Variants in UBAP2L observed in about 807,000 individuals in gnomAD.
UBAP2L encodes the protein ubiquitin-associated protein 2-like.
In UBAP2L, 12 loss-of-function variants were observed where a neutral mutation model predicts 130.6. The ratio of observed to expected loss-of-function variants is 0.09; its 90% CI spans 0.06 to 0.15. UBAP2L has a LOEUF of 0.15. UBAP2L is among the 10% of genes least tolerant of loss of function. The pLI, the probability that UBAP2L is intolerant of heterozygous loss-of-function variation, is 1.00. For synonymous variants in UBAP2L, 503 were observed against 524.7 expected, an observed-to-expected ratio of 0.96 and a Z score of 0.57; for missense variants, 965 against 1,332.5, an observed-to-expected ratio of 0.72 and a Z score of 4.29.
intron 25 of UBAP2L, among the ~76,000 whole-genome samples, chr1:154,267,329 ATT>A (rs1288837217): frequency 6.6e-6 from 1 of 150,770 alleles, no homozygotes. Flanking sequence ...TAATTTTTGT[ATT>A]TTTTAGTAGA....
At chr1:154,243,593 TG>T (rs1481812108) in intron 10 of UBAP2L, among the ~76,000 whole-genome samples, 1 of 152,134 alleles carries the variant, frequency 6.6e-6, no homozygotes, top group Non-Finnish European at 1.5e-5. Context: ...CCCGAGTAGC[TG>T]GGATTACAGG....
chr1:154,249,504 G>C (rs754525804), intron 12 of UBAP2L, 67 bp downstream of exon 12: 189 of 1,593,680 alleles, frequency 1.2e-4, no homozygotes, highest in Non-Finnish European at 1.6e-4. Context: ...GGCTAGCAGG[G>C]GGAGGGGGTG....
At chr1:154,243,869 C>T (rs1445087239) in intron 10 of UBAP2L, among the ~76,000 whole-genome samples, 5 of 152,148 alleles carry the variant, frequency 3.3e-5, no homozygotes, top group Admixed American at 2.0e-4. Flanking sequence ...TTACAAAGAT[C>T]AGCCTTTCAT....
rs775723420 is a variant in UBAP2L, at chr1:154,270,297, G to A, written c.*2G>A. On this transcript the variant is annotated 3_prime_UTR_variant, in exon 27 of 27. Coordinates refer to ENST00000428931, the MANE Select transcript of UBAP2L (RefSeq NM_014847.4). ...AGCTACAGCTGGGGGGCCAACTGAGGCCCTGACCCTCTTCTCCCGGTCCCA... is the reference window on the plus strand; with the variant it reads ...AGCTACAGCTGGGGGGCCAACTGAGACCCTGACCCTCTTCTCCCGGTCCCA... 6.2e-7 allele frequency: 1 copy of A among 1,613,944 alleles called. No individual in the cohort carries two copies. The highest frequency in any genetic ancestry group is 2.2e-5 in the East Asian group (1 of 44,880).
chr1:154,228,995 G>C (rs946249771), intron 4 of UBAP2L, among the ~76,000 whole-genome samples: 1 of 152,162 alleles, frequency 6.6e-6, no homozygotes, highest in Admixed American at 6.5e-5. Context: ...TTCCAGGCTA[G>C]TGACTGTTTT....
Position 154,223,236 on chromosome 1 carries a change from T to C in UBAP2L, c.-40-1848T>C, listed in dbSNP as rs138256679. 2.2e-3 allele frequency among the ~76,000 whole-genome samples: 334 copies of C among 152,350 alleles called. 5 individuals are homozygous for C. The highest frequency in any genetic ancestry group is 7.6e-3 in the African/African-American group (318 of 41,576). On this transcript the variant is annotated intron_variant, in intron 1 of 26. Coordinates refer to ENST00000428931, the MANE Select transcript of UBAP2L (RefSeq NM_014847.4). Reference sequence around the variant, plus strand: ...TAATTATATCTTTCAAGATGACTTTTTAATATGTTTACATCTGACTGGTAC... The same window carrying C: ...TAATTATATCTTTCAAGATGACTTTCTAATATGTTTACATCTGACTGGTAC...
Position 154,235,180 on chromosome 1 carries a change from T to C in UBAP2L, c.449-16T>C. ...TTTTGTTGTTGTTGTTGTTTTAATT[T>C]TTATTTTTATTTCAGTTCGAGGTCA... On this transcript the variant is annotated splice_polypyrimidine_tract_variant and intron_variant, in intron 5 of 26. Coordinates refer to ENST00000428931, the MANE Select transcript of UBAP2L (RefSeq NM_014847.4). 2.7e-6 allele frequency: 2 copies of C among 753,650 alleles called. No homozygotes were observed. The highest frequency in any genetic ancestry group is 3.4e-5 in the African/African-American group (2 of 57,982). The allele number at this position is 753,650 out of a possible 1,614,324, so 46.7% of individuals were successfully genotyped here.
chr1:154,268,566 A>G (rs1684037255), intron 25 of UBAP2L, among the ~76,000 whole-genome samples, 191 bp from the exon 26 acceptor site: 3 of 152,164 alleles, frequency 2.0e-5, no homozygotes, highest in Admixed American at 6.5e-5. Context: ...ATTGAGTAGT[A>G]TGCCCAGGTT....
intron 1 of UBAP2L, among the ~76,000 whole-genome samples, chr1:154,222,771 T>C (rs1666698548): frequency 6.6e-6 from 1 of 152,230 alleles, no homozygotes; most frequent in Admixed American, 6.5e-5. Flanking sequence ...TGTATTTTCC[T>C]GAAGTATTGG....
chr1:154,240,416 G>A (rs1016843252), intron 8 of UBAP2L, among the ~76,000 whole-genome samples: 3 of 151,992 alleles, frequency 2.0e-5, no homozygotes, highest in African/African-American at 4.8e-5. Flanking sequence ...CCCAGCTTCC[G>A]TATTACCAAC....
chr1:154,224,304 A>G (rs1667259945), intron 1 of UBAP2L, among the ~76,000 whole-genome samples: 1 of 152,188 alleles, frequency 6.6e-6, no homozygotes, highest in South Asian at 2.1e-4. Context: ...GATTCCCTGT[A>G]TATTAAGGTG....
At chr1:154,256,803 G>A (rs1366912200) in intron 18 of UBAP2L, among the ~76,000 whole-genome samples, 1 of 152,152 alleles carries the variant, frequency 6.6e-6, no homozygotes. Flanking sequence ...GTCTCCATTT[G>A]CTTTACTGTC....
intron 24 of UBAP2L, chr1:154,263,562 G>A (rs1219776570): frequency 2.0e-6 from 2 of 979,472 alleles, no homozygotes; most frequent in Non-Finnish European, 2.4e-6. Context: ...GCTGTGCTGT[G>A]GATGAAGGGT....
chr1:154,234,949 T>G (rs952252022), intron 5 of UBAP2L, among the ~76,000 whole-genome samples, 190 bp downstream of exon 5: 2 of 152,220 alleles, frequency 1.3e-5, no homozygotes, highest in Non-Finnish European at 2.9e-5. Flanking sequence ...CAGTCTGGCA[T>G]GAGATTACCC....
chr1:154,268,316 C>G (rs2149107721), intron 25 of UBAP2L, among the ~76,000 whole-genome samples: 1 of 152,056 alleles, frequency 6.6e-6, no homozygotes, highest in South Asian at 2.1e-4. Context: ...CTCAGACTCC[C>G]AAGTAGCTGG....
chr1:154,224,945 TTA>T (rs1328279974), intron 1 of UBAP2L, 137 bp from the exon 2 acceptor site: 1 of 572,270 alleles, frequency 1.7e-6, no homozygotes, highest in Non-Finnish European at 3.1e-6. Context: ...ATCAAGCTAA[TTA>T]TGTTGTAAGA....
chr1:154,226,034 G>A (rs572182037), intron 2 of UBAP2L, among the ~76,000 whole-genome samples: 67 of 152,322 alleles, frequency 4.4e-4, no homozygotes, highest in East Asian at 4.2e-3. Flanking sequence ...GGCTGGTCTC[G>A]AACTCCTGCC....
intron 14 of UBAP2L, 105 bp from the exon 15 acceptor site, chr1:154,253,795 T>C (rs780444513): frequency 2.2e-5 from 27 of 1,200,222 alleles, no homozygotes; most frequent in Non-Finnish European, 2.8e-5. Context: ...AATTTCTTCT[T>C]GATTCAAATC....
chr1:154,251,599 C>T lies in UBAP2L; in HGVS notation c.1610C>T (p.Thr537Ile). ...CTTTCTGATTATGAGTCCACCCCCA[C>T]CACGAGCGCCTCTTCAAGCCAGGCT... ...PVLSDYESTP[T>I]TSASSSQAPS... The change falls in exon 14 of 27, where the codon ACC becomes ATC. Residue 537 changes from threonine to isoleucine, a missense_variant. Coordinates refer to ENST00000428931, the MANE Select transcript of UBAP2L (RefSeq NM_014847.4). 2 of 1,614,096 alleles carry T rather than the reference C, an allele frequency of 1.2e-6. No individual in the cohort carries two copies. Among genetic ancestry groups the T allele is most frequent in the Non-Finnish European group, 1.7e-6 (2 of 1,180,034 alleles).
Sources: allele counts gnomAD v4.1 joint callset (sites outside exome capture counted in the v4.1 genomes callset), GRCh38; gene constraint gnomAD v4.1.1; transcripts MANE v1.5; gene names NCBI Gene and HGNC (gene_info 2026-07-23, HGNC 2026-07-21).